The following ZMYM4 variants were observed in gnomAD, a reference collection of about 807,000 sequenced individuals.
The protein encoded by ZMYM4 is zinc finger MYM-type containing 4, also known as zinc finger MYM-type protein 4.
In ZMYM4, 31 loss-of-function variants were observed where a neutral mutation model predicts 183.2. The ratio of observed to expected loss-of-function variants is 0.17; its 90% CI spans 0.13 to 0.23. ZMYM4 has a LOEUF of 0.23. Ranked by LOEUF, ZMYM4 falls within the 10% of genes least tolerant of loss-of-function variation. ZMYM4 has a pLI of 1.00. For missense variants in ZMYM4, 1,273 were observed against 1,840.3 expected (o/e 0.69, Z 5.64); for synonymous variants, 592 against 631.2 (o/e 0.94, Z 0.93).
chr1:35,286,700 G>A (rs1640506267), intron 1 of ZMYM4, among the ~76,000 whole-genome samples: 1 of 142,826 alleles, frequency 7.0e-6, no homozygotes, highest in African/African-American at 2.6e-5. Flanking sequence ...CTGGGCTCAA[G>A]CAATCCTCCC....
intron 1 of ZMYM4, among the ~76,000 whole-genome samples, chr1:35,317,264 C>G (rs931423164): frequency 1.3e-5 from 2 of 152,064 alleles, no homozygotes; most frequent in South Asian, 4.1e-4. Context: ...GAAACCCTGT[C>G]TCTGCTAAAA....
In ZMYM4 at chr1:35,399,584, G is replaced by A. The variant is rs745766544; in HGVS notation, c.3528+8G>A. 2.5e-6 allele frequency: 4 copies of A among 1,613,902 alleles called. 1 individual carries two copies. The South Asian group carries it at 3.3e-5, about 13-fold the overall frequency. On this transcript the variant is annotated splice_region_variant and intron_variant, in intron 23 of 29. Transcript: ENST00000314607. ...CCCCAACCCAGACGAAGAGTAAGCTGCAGCTTAACTTTTCTAGACTTTTCT... is the reference window on the plus strand; with the variant it reads ...CCCCAACCCAGACGAAGAGTAAGCTACAGCTTAACTTTTCTAGACTTTTCT...
At chr1:35,300,651 A>G (rs552328450) in intron 1 of ZMYM4, among the ~76,000 whole-genome samples, 87 of 152,168 alleles carry the variant, frequency 5.7e-4, no homozygotes, top group African/African-American at 2.0e-3. Flanking sequence ...TAATTCACCA[A>G]TCTTCCGCAG....
chr1:35,355,889 C>A (rs1643803114), intron 2 of ZMYM4, among the ~76,000 whole-genome samples: 4 of 151,960 alleles, frequency 2.6e-5, no homozygotes, highest in Admixed American at 2.0e-4. Context: ...CTCATTTTTC[C>A]ATATGACTAC....
At position 35,399,002 on chromosome 1, in the gene ZMYM4, A is replaced by G. The variant is rs750499974; in HGVS notation, c.3392A>G (p.Lys1131Arg). 1.9e-6 allele frequency: 3 copies of G among 1,614,148 alleles called. No homozygotes were observed. Among genetic ancestry groups the G allele is most frequent in the East Asian group, 2.2e-5 (1 of 44,876 alleles). ...GATTCAGAATTGAAGCAGTTCTCAA[A>G]AGGGGAAACTGAACAGGACCTGGAA... ...EADSELKQFS[K>R]GETEQDLEAD... The change falls in exon 22 of 30, where the codon AAA becomes AGA. Residue 1131 changes from lysine to arginine, a missense_variant. Physicochemically the swap from Lys to Arg is conservative, Grantham distance 26. Transcript: ENST00000314607.
intron 5 of ZMYM4, among the ~76,000 whole-genome samples, chr1:35,365,812 C>T (rs911523327): frequency 1.3e-5 from 2 of 152,098 alleles, no homozygotes; most frequent in Non-Finnish European, 2.9e-5. Context: ...TATTTGGCTA[C>T]TCATTGATTT....
At chr1:35,298,128 T>G (rs1641106486) in intron 1 of ZMYM4, among the ~76,000 whole-genome samples, 1 of 152,144 alleles carries the variant, frequency 6.6e-6, no homozygotes, top group African/African-American at 2.4e-5. Context: ...TTGGAGAAGG[T>G]GTGGTCCACT....
At chr1:35,404,607 A>G (rs1370898380) in intron 23 of ZMYM4, among the ~76,000 whole-genome samples, 1 of 152,064 alleles carries the variant, frequency 6.6e-6, no homozygotes, top group Non-Finnish European at 1.5e-5. Context: ...TTTTTTGGAC[A>G]TCTATGCATC....
chr1:35,352,386 G>GCGCACACA lies in ZMYM4; in HGVS notation c.86-6538_86-6537insGCACACAC, dbSNP rs1231646476. 5.6e-3 allele frequency among the ~76,000 whole-genome samples: 720 copies of GCGCACACA among 128,466 alleles called. 12 individuals are homozygous for GCGCACACA. Among genetic ancestry groups the GCGCACACA allele is most frequent in the African/African-American group, 0.02 (666 of 33,756 alleles). The allele number at this position is 128,466 out of a possible 152,430, so 84.3% of individuals were successfully genotyped here. A position where few individuals can be genotyped will look rare whatever the true frequency, so the allele number is the denominator to read the frequency against. On this transcript the variant is annotated intron_variant, in intron 2 of 29. Transcript: ENST00000314607. ...CTCTACTAATAATTTAAAAATTAGCGCACACACACACACACACACACACAC... is the reference window on the plus strand; with the variant it reads ...CTCTACTAATAATTTAAAAATTAGCGCGCACACACACACACACACACACACACACACAC...
chr1:35,304,758 C>T (rs970768402), intron 1 of ZMYM4, among the ~76,000 whole-genome samples: 14 of 152,052 alleles, frequency 9.2e-5, no homozygotes, highest in African/African-American at 3.4e-4. Context: ...TGTGAGCCAC[C>T]ACTCCCAGCC....
rs549032510 is a variant in ZMYM4, at chr1:35,269,109, G to C, written c.39+24G>C. 4.3e-5 allele frequency: 67 copies of C among 1,545,440 alleles called. No homozygotes were observed. In the African/African-American group the frequency reaches 6.7e-4, roughly 16 times the overall value. ...GGGTAGGTGAGGTGAGGCAGAACTCGGGCGGCGGGGGGCGGGGCGCGGCCC... is the reference window on the plus strand; with the variant it reads ...GGGTAGGTGAGGTGAGGCAGAACTCCGGCGGCGGGGGGCGGGGCGCGGCCC... On this transcript the variant is annotated intron_variant, in intron 1 of 29. Coordinates refer to ENST00000314607, the MANE Select transcript of ZMYM4 (RefSeq NM_005095.3).
At chr1:35,282,973 GTGTGTGGTTTTTTTTTTTTTT>G (rs1640253414) in intron 1 of ZMYM4, among the ~76,000 whole-genome samples, 1 of 97,394 alleles carries the variant, frequency 1.0e-5, no homozygotes, top group African/African-American at 3.6e-5. Flanking sequence ...TGTTTTCTGT[GTGTGTGGTTTTTTTTTTTTTT>G]TTTTTTTTTT....
rs1203944212 is a variant in ZMYM4 at position 35,359,310 on chromosome 1, A to G, written c.471A>G (p.Leu157=). The change falls in exon 3 of 30, where the codon CTA becomes CTG. Residue 157 remains leucine (L), a synonymous_variant. Transcript: ENST00000314607. ...VFKSIRKDFS[L]VRENSKETFS... The stretch of plus-strand genomic sequence containing the variant: ...AATCAATACGGAAAGATTTTAGTCT[A>G]GTAAGAGAAAACAGCAAAGAGACAT... The G allele has an allele frequency of 1.9e-6, 3 of 1,610,896 alleles. No individual in the cohort carries two copies. The highest frequency in any genetic ancestry group is 2.5e-6 in the Non-Finnish European group (3 of 1,179,118).
chr1:35,354,150 AAAAG>A (rs530672039), intron 2 of ZMYM4, among the ~76,000 whole-genome samples: 158 of 152,224 alleles, frequency 1.0e-3, no homozygotes, highest in African/African-American at 2.7e-3. Context: ...CTGTCTCAAA[AAAAG>A]AAAGAAAGAA....
intron 2 of ZMYM4, among the ~76,000 whole-genome samples, chr1:35,337,011 A>T (rs968156192): frequency 1.3e-5 from 2 of 152,114 alleles, no homozygotes; most frequent in Non-Finnish European, 2.9e-5. Context: ...CCCTTCTGTC[A>T]TAATTGTAAG....
At chr1:35,417,038 A>G (rs1640143211) in intron 28 of ZMYM4, among the ~76,000 whole-genome samples, 1 of 152,162 alleles carries the variant, frequency 6.6e-6, no homozygotes, top group Non-Finnish European at 1.5e-5. Context: ...TGTTAAAGTA[A>G]TAATGCAGGA....
At chr1:35,271,321 T>C (rs1303552889) in intron 1 of ZMYM4, among the ~76,000 whole-genome samples, 1 of 151,598 alleles carries the variant, frequency 6.6e-6, no homozygotes, top group African/African-American at 2.4e-5. Context: ...ACTTAAAAGA[T>C]GTTACTGGTC....
chr1:35,417,526 T>C (rs1344662873), intron 28 of ZMYM4, among the ~76,000 whole-genome samples: 1 of 152,174 alleles, frequency 6.6e-6, no homozygotes. Context: ...TGCCCCACAG[T>C]AGAAATATTC....
At chr1:35,370,338 A>ATTTTTTTTT (rs35122134) in intron 6 of ZMYM4, 34 bp from the exon 7 acceptor site, 7 of 1,129,110 alleles carry the variant, frequency 6.2e-6, no homozygotes, top group Admixed American at 1.0e-4. Flanking sequence ...TTTTCTTTCA[A>ATTTTTTTTT]TTTTTTTTTT....
Sources: allele counts gnomAD v4.1 joint callset (sites outside exome capture counted in the v4.1 genomes callset), GRCh38; gene constraint gnomAD v4.1.1; transcripts MANE v1.5; gene names NCBI Gene and HGNC (gene_info 2026-07-23, HGNC 2026-07-21).